Variants in CRB1 observed in about 807,000 individuals in gnomAD.
The protein encoded by CRB1 is crumbs cell polarity complex component 1, also known as protein crumbs homolog 1.
CRB1 carries 83 observed loss-of-function variants against 120.0 expected under a neutral mutation model. That is an observed-to-expected ratio of 0.69 (90% CI 0.58 to 0.83). The LOEUF (loss-of-function observed/expected upper bound fraction) is 0.83. Ranked by LOEUF, CRB1 falls within the 40% of genes least tolerant of loss-of-function variation. The pLI is 0.00. For synonymous variants in CRB1, 625 were observed against 612.5 expected, an observed-to-expected ratio of 1.02 and a Z score of -0.30; for missense variants, 1,699 against 1,687.6, an observed-to-expected ratio of 1.01 and a Z score of -0.12.
the CRB1 span, among the ~76,000 whole-genome samples, chr1:197,261,459 C>T: frequency 2.6e-5 from 4 of 152,246 alleles, no homozygotes; most frequent in Admixed American, 6.5e-5. Flanking sequence ...CTTCAAGACA[C>T]GCTGTTGAGT....
intron 5 of CRB1, among the ~76,000 whole-genome samples, chr1:197,412,509 T>C (rs1663761967): frequency 6.6e-6 from 1 of 152,198 alleles, no homozygotes; most frequent in Non-Finnish European, 1.5e-5. Context: ...TCCATGTTTA[T>C]TCTACTTCAT....
chr1:197,286,444 A>G (rs1344739785), intron 1 of CRB1, among the ~76,000 whole-genome samples: 2 of 151,950 alleles, frequency 1.3e-5, no homozygotes, highest in African/African-American at 4.8e-5. Context: ...ACTTCTTGTT[A>G]TTCCCACTAA....
At position 197,427,461 on chromosome 1, in the gene CRB1, G is replaced by A. The variant is rs1308513402; in HGVS notation, c.2136G>A (p.Val712=). The change falls in exon 7 of 12, where the codon GTG becomes GTA. Residue 712 remains valine (V), a synonymous_variant. Transcript: ENST00000367400. ...TCTATTTTGACATTGAAGAGTATGT[G>A]GCAGGCAGATTTGGCCAGGATGACT... ...YEGPNCLREY[V]AGRFGQDDST... is the part of the protein sequence containing the mutation. The A allele has an allele frequency of 6.2e-7, 1 of 1,613,300 alleles. No individual in the cohort carries two copies. Among genetic ancestry groups the A allele is most frequent in the Non-Finnish European group, 8.5e-7 (1 of 1,179,746 alleles).
rs750582122 is a variant in CRB1, at chr1:197,344,528, C to G, written c.848+52C>G. On this transcript the variant is annotated intron_variant, in intron 3 of 11. Transcript: ENST00000367400. ...TGGCTTAGAACTCCCTGACCATGAA[C>G]TATTTTACCACTCTGTTGAATTTAG... is the stretch of plus-strand genomic sequence containing the variant. 7 of 1,533,642 alleles carry G rather than the reference C, an allele frequency of 4.6e-6. No individual in the cohort carries two copies. The South Asian group carries it at 7.8e-5, about 17-fold the overall frequency.
At chr1:197,462,036 A>G (rs1358499060) in intron 11 of CRB1, among the ~76,000 whole-genome samples, 2 of 152,216 alleles carry the variant, frequency 1.3e-5, no homozygotes, top group African/African-American at 4.8e-5. Flanking sequence ...GGACATGCCT[A>G]TTAGAATTTA....
the CRB1 span, among the ~76,000 whole-genome samples, chr1:197,255,632 T>G: frequency 6.6e-6 from 1 of 151,994 alleles, no homozygotes; most frequent in South Asian, 2.1e-4. Context: ...AAAGGACGCT[T>G]CTGCCTGTCA....
At chr1:197,453,530 A>ATG (rs1666082501) in intron 11 of CRB1, among the ~76,000 whole-genome samples, 1 of 64,828 alleles carries the variant, frequency 1.5e-5, no homozygotes, top group African/African-American at 3.8e-5. Context: ...GTGTGTATAT[A>ATG]TATATATATA....
chr1:197,436,045 T>C (rs1270157701), intron 9 of CRB1, among the ~76,000 whole-genome samples: 1 of 152,130 alleles, frequency 6.6e-6, no homozygotes, highest in Admixed American at 6.6e-5. Context: ...AACAGTACAT[T>C]AAAGTATACA....
At chr1:197,412,443 GC>G (rs1172759632) in intron 5 of CRB1, among the ~76,000 whole-genome samples, 1 of 152,120 alleles carries the variant, frequency 6.6e-6, no homozygotes, top group Non-Finnish European at 1.5e-5. Flanking sequence ...AGTTCTCATA[GC>G]CTAGTATCAA....
At chr1:197,330,780 C>T (rs184796996) in intron 2 of CRB1, among the ~76,000 whole-genome samples, 57 of 97,618 alleles carry the variant, frequency 5.8e-4, no homozygotes, top group Admixed American at 1.2e-3. Flanking sequence ...TTACATATAT[C>T]TATGTTTTTG....
chr1:197,256,540 T>A, the CRB1 span, among the ~76,000 whole-genome samples: 1 of 152,106 alleles, frequency 6.6e-6, no homozygotes, highest in Admixed American at 6.6e-5. Flanking sequence ...AAATTTAATA[T>A]GTGTAAATCT....
At chr1:197,302,149 C>G (rs920223181) in intron 1 of CRB1, among the ~76,000 whole-genome samples, 1 of 152,078 alleles carries the variant, frequency 6.6e-6, no homozygotes, top group African/African-American at 2.4e-5. Flanking sequence ...AAGAAATTGC[C>G]ACAGCCATCT....
intron 11 of CRB1, among the ~76,000 whole-genome samples, chr1:197,448,036 A>G (rs1665784133): frequency 6.6e-6 from 1 of 152,122 alleles, no homozygotes; most frequent in Non-Finnish European, 1.5e-5. Flanking sequence ...GACTTTTTTA[A>G]ATCTTACAAA....
At chr1:197,371,410 A>G (rs1661364259) in intron 5 of CRB1, among the ~76,000 whole-genome samples, 1 of 152,094 alleles carries the variant, frequency 6.6e-6, no homozygotes, top group African/African-American at 2.4e-5. Context: ...CTAGAGCTCT[A>G]CTTCCCAAGA....
At chr1:197,210,487 G>C in the CRB1 span, among the ~76,000 whole-genome samples, 2 of 152,088 alleles carry the variant, frequency 1.3e-5, no homozygotes, top group African/African-American at 2.4e-5. Context: ...TCTCAAGACT[G>C]AAACATCATC....
chr1:197,416,402 A>C (rs539556610), intron 5 of CRB1, among the ~76,000 whole-genome samples: 97 of 152,334 alleles, frequency 6.4e-4, no homozygotes, highest in South Asian at 1.5e-3. Context: ...TCTGCTGGGA[A>C]CATACTATGT....
At chr1:197,288,001 C>T (rs1655931946) in intron 1 of CRB1, among the ~76,000 whole-genome samples, 1 of 151,776 alleles carries the variant, frequency 6.6e-6, no homozygotes. Flanking sequence ...ATTGCTTGAA[C>T]TTACTACCAT....
At chr1:197,210,492 A>G in the CRB1 span, among the ~76,000 whole-genome samples, 6 of 152,196 alleles carry the variant, frequency 3.9e-5, no homozygotes, top group South Asian at 1.2e-3. Context: ...AGACTGAAAC[A>G]TCATCTCTTA....
intron 1 of CRB1, 115 bp downstream of exon 1, chr1:197,268,597 T>G: frequency 1.2e-6 from 1 of 838,442 alleles, no homozygotes; most frequent in Admixed American, 2.1e-5. Flanking sequence ...AAAAGGAAGT[T>G]TTTATTTGTT....
Sources: gnomAD v4.1 joint callset for allele counts (sites outside exome capture counted in the v4.1 genomes callset) on GRCh38, gnomAD v4.1.1 for gene constraint, MANE v1.5 for transcripts, NCBI Gene and HGNC (gene_info 2026-07-23, HGNC 2026-07-21) for gene names.